The following ABHD17B variants were observed in gnomAD, a reference collection of about 807,000 sequenced individuals.
The protein encoded by ABHD17B is abhydrolase domain containing 17B, depalmitoylase.
A neutral mutation model predicts 26.2 loss-of-function variants in ABHD17B; 9 were observed. The ratio of observed to expected loss-of-function variants is 0.34; its 90% CI spans 0.21 to 0.60. The LOEUF (loss-of-function observed/expected upper bound fraction) is 0.60. Among genes scored for constraint, ABHD17B ranks in the 20% least tolerant of loss-of-function variants. ABHD17B has a pLI of 0.80. For synonymous variants in ABHD17B, 127 were observed against 122.3 expected, an observed-to-expected ratio of 1.04 and a Z score of -0.25; for missense variants, 224 against 352.1, an observed-to-expected ratio of 0.64 and a Z score of 2.91.
At chr9:71,870,941 TGGCCACA>T (rs1003280563) in intron 2 of ABHD17B, among the ~76,000 whole-genome samples, 16 of 152,226 alleles carry the variant, frequency 1.1e-4, no homozygotes, top group Middle Eastern at 3.2e-3. Context: ...CCCTTTAAAA[TGGCCACA>T]GGTTTAAATA....
At chr9:71,897,466 T>G (rs938735157) in intron 1 of ABHD17B, among the ~76,000 whole-genome samples, 1 of 152,166 alleles carries the variant, frequency 6.6e-6, no homozygotes, top group Non-Finnish European at 1.5e-5. Context: ...CAGTGAGCCA[T>G]GATCGTGCCA....
Position 71,870,502 on chromosome 9 carries a change from T to A in ABHD17B, c.468-240A>T, listed in dbSNP as rs192646368. Among the ~76,000 whole-genome samples the A allele has an allele frequency of 2.0e-4, 30 of 152,350 alleles. No homozygotes were observed. The Middle Eastern group carries it at 0.01, about 52-fold the overall frequency. On this transcript the variant is annotated intron_variant, in intron 2 of 3. Transcript: ENST00000333421. ...AATAATTGCTGAGGTATTTTAAGAT[T>A]TCAATCTTAAGAAATAAATTTATTA...
chr9:71,902,479 G>C (rs1428944242), intron 1 of ABHD17B: 1 of 141,092 alleles, frequency 7.1e-6, no homozygotes, highest in African/African-American at 2.7e-5. Context: ...ATGAAGCAGT[G>C]GAACTGGAGA....
rs1826067462 is a variant in ABHD17B, at chr9:71,870,069, A to T, written c.647+14T>A. The T allele has an allele frequency of 6.3e-7, 1 of 1,593,338 alleles. No individual in the cohort carries two copies. Among genetic ancestry groups the T allele is most frequent in the Non-Finnish European group, 8.5e-7 (1 of 1,172,154 alleles). ...GTTTCTTGGAATTTAACTATTTTGA[A>T]TATTGCTACTTACTTTGGGAATGCA... On this transcript the variant is annotated intron_variant, in intron 3 of 3. Transcript: ENST00000333421.
intron 1 of ABHD17B, among the ~76,000 whole-genome samples, chr9:71,907,703 G>T (rs1242638040): frequency 6.6e-6 from 1 of 152,086 alleles, no homozygotes; most frequent in Non-Finnish European, 1.5e-5. Context: ...TAGAGACGGG[G>T]TTTCTCCATG....
intron 1 of ABHD17B, among the ~76,000 whole-genome samples, chr9:71,878,135 G>GT (rs916309617): frequency 8.7e-5 from 13 of 148,760 alleles, no homozygotes; most frequent in South Asian, 2.1e-4. Context: ...ATTTTATTCT[G>GT]TAAAAAAAAA....
At chr9:71,864,984 A>C (rs1825914180), downstream of ABHD17B, among the ~76,000 whole-genome samples, 1 of 152,214 alleles carries the variant, frequency 6.6e-6, no homozygotes, top group Non-Finnish European at 1.5e-5. Flanking sequence ...TACAAAGAAG[A>C]AACTGTATAG....
In ABHD17B at chr9:71,866,507, G is replaced by A. The variant is rs1012688141; in HGVS notation, c.*280C>T. 1.8e-6 allele frequency: 2 copies of A among 1,122,908 alleles called. No individual in the cohort carries two copies. Among genetic ancestry groups the A allele is most frequent in the African/African-American group, 3.2e-5 (2 of 62,192 alleles). 69.6% of individuals were successfully genotyped at this position (1,122,908 alleles called of 1,614,324 possible). A position where few individuals can be genotyped will look rare whatever the true frequency, so the allele number is the denominator to read the frequency against. On this transcript the variant is annotated 3_prime_UTR_variant, in exon 4 of 4. Coordinates refer to ENST00000333421, the MANE Select transcript of ABHD17B (RefSeq NM_001025780.3). Reference sequence around the variant, plus strand: ...ATTTGGCAATACTTTTACAGCATTTGATTTTATAGAATTAAAATCTCATAC... The same window carrying A: ...ATTTGGCAATACTTTTACAGCATTTAATTTTATAGAATTAAAATCTCATAC...
At chr9:71,869,941 C>T in intron 3 of ABHD17B, 142 bp downstream of exon 3, 1 of 786,408 alleles carries the variant, frequency 1.3e-6, no homozygotes, top group South Asian at 2.2e-5. Context: ...ACCCTCTTTA[C>T]AAATTAATTT....
At chr9:71,876,252 C>T (rs1307218816) in intron 1 of ABHD17B, among the ~76,000 whole-genome samples, 2 of 152,034 alleles carry the variant, frequency 1.3e-5, no homozygotes, top group Non-Finnish European at 2.9e-5. Context: ...CTAACTCTAC[C>T]ACTTACCGTT....
At chr9:71,893,240 G>T (rs749494029) in intron 1 of ABHD17B, among the ~76,000 whole-genome samples, 1 of 152,180 alleles carries the variant, frequency 6.6e-6, no homozygotes, top group African/African-American at 2.4e-5. Context: ...CACCAGGTGG[G>T]TGTCCTCCCA....
intron 2 of ABHD17B, among the ~76,000 whole-genome samples, chr9:71,874,218 G>T (rs1201761557): frequency 6.7e-6 from 1 of 149,652 alleles, no homozygotes; most frequent in African/African-American, 2.5e-5. Context: ...GAGGTCTGAC[G>T]CTGTCACTCA....
chr9:71,867,084 G>A (rs1328019976), intron 3 of ABHD17B, 78 bp from the exon 4 acceptor site: 19 of 1,467,696 alleles, frequency 1.3e-5, no homozygotes, highest in Non-Finnish European at 1.7e-5. Context: ...ATATCAGACA[G>A]ATAATTCAAA....
rs538539217 is a variant in ABHD17B at position 71,896,214 on chromosome 9, T to G, written c.-4+14420A>C. ...ACTCATATCTTGATTCAGTGAATGC[T>G]CATTCTGTCCCCAACTTCACTTCTA... On this transcript the variant is annotated intron_variant, in intron 1 of 3. Transcript: ENST00000333421. Among the ~76,000 whole-genome samples the G allele has an allele frequency of 3.3e-5, 5 of 152,328 alleles. No individual in the cohort carries two copies. In the South Asian group the frequency reaches 1.0e-3, roughly 32 times the overall value.
chr9:71,901,801 A>C (rs1485793482), intron 1 of ABHD17B, among the ~76,000 whole-genome samples: 2 of 152,202 alleles, frequency 1.3e-5, no homozygotes, highest in Admixed American at 6.5e-5. Context: ...TTTTCAATGA[A>C]TGTTATAAAA....
chr9:71,870,121 A>G lies in ABHD17B; in HGVS notation c.609T>C (p.Pro203=). Residue 203 remains proline (P), a synonymous_variant, in exon 3 of 4, where the codon CCT becomes CCC. Transcript: ENST00000333421. Reference sequence around the variant, plus strand: ...CAAAACAGTAGGTCTTCTTGGTATCAGGAAAGGCAACTCGCATTCCCGAAG... The same window carrying G: ...CAAAACAGTAGGTCTTCTTGGTATCGGGAAAGGCAACTCGCATTCCCGAAG... The part of the protein sequence containing the change: ...PLTSGMRVAF[P]DTKKTYCFDA... The G allele has an allele frequency of 6.2e-7, 1 of 1,613,632 alleles. No individual in the cohort carries two copies. Among genetic ancestry groups the G allele is most frequent in the Non-Finnish European group, 8.5e-7 (1 of 1,179,846 alleles).
chr9:71,897,747 T>A (rs1206162077), intron 1 of ABHD17B, among the ~76,000 whole-genome samples: 1 of 152,216 alleles, frequency 6.6e-6, no homozygotes, highest in Non-Finnish European at 1.5e-5. Context: ...CTTACTAATG[T>A]GGCCTTCAGT....
intron 3 of ABHD17B, 124 bp from the exon 4 acceptor site, chr9:71,867,130 A>C (rs7858585): frequency 0.98 from 1,200,493 of 1,219,502 alleles, 591,893 homozygotes; most frequent in East Asian, 1. Context: ...GAAGGTAAGA[A>C]TGTCTCCTGA....
intron 1 of ABHD17B, among the ~76,000 whole-genome samples, chr9:71,898,975 TA>T (rs1046575288): frequency 7.2e-5 from 11 of 151,744 alleles, no homozygotes; most frequent in Admixed American, 5.2e-4. Flanking sequence ...AATACAAAAA[TA>T]AGCCAGGTGT....
Sources: gnomAD v4.1 joint callset for allele counts (sites outside exome capture counted in the v4.1 genomes callset) on GRCh38, gnomAD v4.1.1 for gene constraint, MANE v1.5 for transcripts, NCBI Gene and HGNC (gene_info 2026-07-23, HGNC 2026-07-21) for gene names.